The following TTC33 variants were observed in gnomAD, a reference collection of about 807,000 sequenced individuals.
The protein encoded by TTC33 is tetratricopeptide repeat domain 33.
In TTC33, 24 loss-of-function variants were observed where a neutral mutation model predicts 29.4. That is an observed-to-expected ratio of 0.82 (90% CI 0.59 to 1.15). The LOEUF (loss-of-function observed/expected upper bound fraction) is 1.15, where lower values mean the gene tolerates loss of function less well. Ranked by LOEUF, TTC33 falls within the 50% of genes most tolerant of loss-of-function variation. The pLI is 0.00. For synonymous variants in TTC33, 107 were observed against 100.3 expected, an observed-to-expected ratio of 1.07 and a Z score of -0.40; for missense variants, 286 against 310.4, an observed-to-expected ratio of 0.92 and a Z score of 0.59.
rs533871540 is a variant in TTC33, at chr5:40,743,985, T to C, written c.221+2813A>G. Reference sequence around the variant, plus strand: ...GTTTGTCTACAATGCTGATATCTCTTCTCTGTCACAGGAAATTCAGAGGGA... The same window carrying C: ...GTTTGTCTACAATGCTGATATCTCTCCTCTGTCACAGGAAATTCAGAGGGA... On this transcript the variant is annotated intron_variant, in intron 2 of 4. Transcript: ENST00000337702. Among the ~76,000 whole-genome samples the C allele has an allele frequency of 2.0e-5, 3 of 152,328 alleles. No individual in the cohort carries two copies. In the South Asian group the frequency reaches 6.2e-4, roughly 32 times the overall value.
At chr5:40,752,650 T>C (rs919675284) in intron 1 of TTC33, among the ~76,000 whole-genome samples, 1 of 152,214 alleles carries the variant, frequency 6.6e-6, no homozygotes, top group South Asian at 2.1e-4. Context: ...GCATGGTTCA[T>C]GGCAACCCAA....
chr5:40,720,025 CAA>C (rs1336186347), intron 4 of TTC33, among the ~76,000 whole-genome samples: 2 of 152,130 alleles, frequency 1.3e-5, no homozygotes, highest in Admixed American at 6.5e-5. Flanking sequence ...TTTTGAAGCA[CAA>C]AAGTGTTTAA....
chr5:40,753,637 A>G (rs1035917652), intron 1 of TTC33, among the ~76,000 whole-genome samples: 1 of 152,216 alleles, frequency 6.6e-6, no homozygotes, highest in Non-Finnish European at 1.5e-5. Flanking sequence ...AGAAGTTAAA[A>G]GGCACACAGT....
At chr5:40,748,575 T>C (rs1742842580) in intron 1 of TTC33, among the ~76,000 whole-genome samples, 1 of 152,316 alleles carries the variant, frequency 6.6e-6, no homozygotes, top group East Asian at 1.9e-4. Flanking sequence ...TTTAGAAATA[T>C]AAACTGAAAT....
chr5:40,733,684 A>C (rs1417077412), intron 2 of TTC33, among the ~76,000 whole-genome samples: 1 of 152,202 alleles, frequency 6.6e-6, no homozygotes, highest in Non-Finnish European at 1.5e-5. Context: ...GCAAAGAGCA[A>C]GCCTGCACAA....
intron 1 of TTC33, among the ~76,000 whole-genome samples, chr5:40,748,130 A>G (rs1742833820): frequency 6.6e-6 from 1 of 151,924 alleles, no homozygotes; most frequent in African/African-American, 2.4e-5. Flanking sequence ...CCCAGCCAGA[A>G]GGAAACATTT....
At chr5:40,741,412 G>A (rs778809099) in intron 2 of TTC33, among the ~76,000 whole-genome samples, 1 of 152,180 alleles carries the variant, frequency 6.6e-6, no homozygotes, top group Non-Finnish European at 1.5e-5. Context: ...TGAACGCTAC[G>A]AATGGTTCAG....
rs573976561 is a variant in TTC33, at chr5:40,723,726, G to A, written c.435+4619C>T. Among the ~76,000 whole-genome samples, 15 of 152,116 alleles carry A rather than the reference G, an allele frequency of 9.9e-5. No individual in the cohort carries two copies. The East Asian group carries it at 2.7e-3, about 28-fold the overall frequency. ...CTAAAAATACAAAAATTAGCCAGGC[G>A]TGGTGATGGGCACCTGTAATCCCAG... On this transcript the variant is annotated intron_variant, in intron 4 of 4. Transcript: ENST00000337702.
intron 4 of TTC33, among the ~76,000 whole-genome samples, chr5:40,726,782 T>C (rs997110306): frequency 6.6e-6 from 1 of 152,124 alleles, no homozygotes; most frequent in African/African-American, 2.4e-5. Context: ...TCCATTACCA[T>C]AGACACTATT....
intron 2 of TTC33, among the ~76,000 whole-genome samples, chr5:40,743,676 G>C (rs1387490775): frequency 6.6e-6 from 1 of 152,146 alleles, no homozygotes; most frequent in Non-Finnish European, 1.5e-5. Flanking sequence ...GGGAGGCTGA[G>C]GCAGGGAGGA....
At chr5:40,728,261 G>T in intron 4 of TTC33, 84 bp downstream of exon 4, 1 of 872,288 alleles carries the variant, frequency 1.1e-6, no homozygotes, top group East Asian at 4.0e-5. Flanking sequence ...TGTACCCTGG[G>T]TGACATCAAG....
At chr5:40,733,586 G>A (rs752084275) in intron 2 of TTC33, among the ~76,000 whole-genome samples, 7 of 152,166 alleles carry the variant, frequency 4.6e-5, no homozygotes, top group Non-Finnish European at 1.0e-4. Flanking sequence ...ACCAGAGGAA[G>A]TTATCACCCC....
chr5:40,726,022 T>C (rs1008045928), intron 4 of TTC33, among the ~76,000 whole-genome samples: 6 of 151,676 alleles, frequency 4.0e-5, no homozygotes, highest in Non-Finnish European at 8.8e-5. Flanking sequence ...CCTGACCTTG[T>C]GATCCGCCCG....
rs910267449 is a variant in TTC33, at chr5:40,714,479, G to GA, written c.*1665dup. ...ATAATAGGAAAATCTTCAAAATGCA[G>GA]AAAAAAACTATTTATTCACAAATTA... is the stretch of plus-strand genomic sequence containing the variant. On this transcript the variant is annotated 3_prime_UTR_variant, in exon 5 of 5. Coordinates refer to ENST00000337702, the MANE Select transcript of TTC33 (RefSeq NM_012382.3). 3.9e-5 allele frequency: 6 copies of GA among 152,006 alleles called. No homozygotes were observed. The highest frequency in any genetic ancestry group is 1.4e-4 in the African/African-American group (6 of 41,462). 9.4% of individuals were successfully genotyped at this position (152,006 alleles called of 1,614,324 possible).
intron 1 of TTC33, among the ~76,000 whole-genome samples, chr5:40,750,414 C>T (rs1429479533): frequency 6.6e-6 from 1 of 152,068 alleles, no homozygotes; most frequent in Non-Finnish European, 1.5e-5. Flanking sequence ...AAAAACTATC[C>T]AGGCGTGGTG....
intron 2 of TTC33, 122 bp downstream of exon 2, chr5:40,746,676 T>G: frequency 1.3e-6 from 1 of 744,328 alleles, no homozygotes; most frequent in East Asian, 2.9e-5. Context: ...TTTGATTAAT[T>G]TAGCACCTAG....
intron 1 of TTC33, among the ~76,000 whole-genome samples, chr5:40,751,348 C>A (rs1742891563): frequency 6.6e-6 from 1 of 152,178 alleles, no homozygotes; most frequent in South Asian, 2.1e-4. Context: ...TGAAAGGAAT[C>A]TTTTCTTCAT....
intron 4 of TTC33, among the ~76,000 whole-genome samples, chr5:40,722,873 G>C (rs533538669): frequency 1.0e-4 from 15 of 150,634 alleles, no homozygotes; most frequent in Admixed American, 3.9e-4. Flanking sequence ...GGGCGCCTCC[G>C]CCCGGCTGCC....
chr5:40,727,479 T>C (rs966247859), intron 4 of TTC33, among the ~76,000 whole-genome samples: 5 of 152,184 alleles, frequency 3.3e-5, no homozygotes, highest in South Asian at 2.1e-4. Flanking sequence ...TCCAGACAAA[T>C]TGAGAGATGC....
Sources: gnomAD v4.1 joint callset for allele counts (sites outside exome capture counted in the v4.1 genomes callset) on GRCh38, gnomAD v4.1.1 for gene constraint, MANE v1.5 for transcripts, NCBI Gene and HGNC (gene_info 2026-07-23, HGNC 2026-07-21) for gene names.